MAPKAP1: variants seen among roughly 807,000 people sequenced by gnomAD.
MAPKAP1 encodes target of rapamycin complex 2 subunit MAPKAP1.
MAPKAP1 carries 20 observed loss-of-function variants against 65.7 expected under a neutral mutation model. The ratio of observed to expected loss-of-function variants is 0.30; its 90% confidence interval spans 0.21 to 0.44. The LOEUF (loss-of-function observed/expected upper bound fraction) is 0.44, where lower values mean the gene tolerates loss of function less well. Ranked by LOEUF, MAPKAP1 falls within the 20% of genes least tolerant of loss-of-function variation. The probability of loss-of-function intolerance (pLI) is 1.00; values close to 1 mark genes in which losing one functional copy is unlikely to be tolerated. For missense variants in MAPKAP1, 423 were observed against 648.0 expected (o/e 0.65, Z 3.77); for synonymous variants, 222 against 244.3 (o/e 0.91, Z 0.85).
chr9:125,507,968 G>A (rs1417514213), intron 7 of MAPKAP1, among the ~76,000 whole-genome samples: 1 of 152,050 alleles, frequency 6.6e-6, no homozygotes, highest in Non-Finnish European at 1.5e-5. Context: ...CCAGGAGTTC[G>A]AGACCAGCCT....
At chr9:125,442,150 A>AG (rs2132919695) in intron 11 of MAPKAP1, among the ~76,000 whole-genome samples, 1 of 151,568 alleles carries the variant, frequency 6.6e-6, no homozygotes, top group South Asian at 2.1e-4. Flanking sequence ...AAAAAAAAAA[A>AG]AAAAATCAGA....
At chr9:125,656,025 A>C (rs1487911909) in intron 4 of MAPKAP1, among the ~76,000 whole-genome samples, 1 of 152,228 alleles carries the variant, frequency 6.6e-6, no homozygotes, top group Admixed American at 6.5e-5. Flanking sequence ...TTAACAATAA[A>C]GTCTATGGTA....
At chr9:125,442,170 A>G (rs1205612529) in intron 11 of MAPKAP1, among the ~76,000 whole-genome samples, 1 of 150,722 alleles carries the variant, frequency 6.6e-6, no homozygotes, top group African/African-American at 2.5e-5. Flanking sequence ...AGGTGGGAGA[A>G]GTACTATCTC....
intron 5 of MAPKAP1, among the ~76,000 whole-genome samples, chr9:125,577,399 CCCCCGCCTGGCCAGCCT>C (rs1279876746): frequency 6.7e-6 from 1 of 148,320 alleles, no homozygotes; most frequent in African/African-American, 2.5e-5. Context: ...GGGGGTCAGC[CCCCCGCCTGGCCAGCCT>C]CCCCGTCCGG....
intron 11 of MAPKAP1, among the ~76,000 whole-genome samples, 162 bp downstream of exon 11, chr9:125,444,338 AC>A (rs1233914908): frequency 6.6e-6 from 1 of 152,154 alleles, no homozygotes; most frequent in Non-Finnish European, 1.5e-5. Flanking sequence ...ACAGGCACTC[AC>A]CCCTGGGTGG....
intron 4 of MAPKAP1, among the ~76,000 whole-genome samples, chr9:125,615,845 C>T (rs143033443): frequency 9.3e-5 from 14 of 150,220 alleles, no homozygotes; most frequent in Admixed American, 2.7e-4. Flanking sequence ...GTTGCAGAGG[C>T]GGATGTTGCA....
intron 4 of MAPKAP1, among the ~76,000 whole-genome samples, chr9:125,649,511 AGAGGAAGT>A (rs1215969267): frequency 6.6e-6 from 1 of 152,140 alleles, no homozygotes; most frequent in Non-Finnish European, 1.5e-5. Context: ...CTGTCATCTG[AGAGGAAGT>A]GACTGATGGG....
chr9:125,643,759 G>C (rs1472673084), intron 4 of MAPKAP1, among the ~76,000 whole-genome samples: 1 of 152,056 alleles, frequency 6.6e-6, no homozygotes, highest in Non-Finnish European at 1.5e-5. Flanking sequence ...CCAAGTCTAA[G>C]GACATATATA....
At chr9:125,640,526 G>A (rs967589278) in intron 4 of MAPKAP1, among the ~76,000 whole-genome samples, 3 of 151,588 alleles carry the variant, frequency 2.0e-5, no homozygotes, top group Non-Finnish European at 4.4e-5. Context: ...AATGTTTGAT[G>A]AATGAAAAAT....
intron 4 of MAPKAP1, among the ~76,000 whole-genome samples, chr9:125,638,901 T>A (rs1306309032): frequency 6.6e-6 from 1 of 152,194 alleles, no homozygotes; most frequent in African/African-American, 2.4e-5. Context: ...TGGAGCCACT[T>A]AAAAATCTGG....
At chr9:125,556,276 C>T (rs753561769) in intron 6 of MAPKAP1, among the ~76,000 whole-genome samples, 4 of 152,242 alleles carry the variant, frequency 2.6e-5, no homozygotes, top group Non-Finnish European at 5.9e-5. Context: ...TCCAAGCGAT[C>T]TGGCTCACAG....
At chr9:125,497,719 C>A (rs1414355812) in intron 8 of MAPKAP1, among the ~76,000 whole-genome samples, 2 of 152,234 alleles carry the variant, frequency 1.3e-5, no homozygotes, top group African/African-American at 4.8e-5. Context: ...GTGCTTTAAG[C>A]ACTGTGAATG....
At chr9:125,482,310 C>A (rs1304199529) in intron 9 of MAPKAP1, among the ~76,000 whole-genome samples, 2 of 152,124 alleles carry the variant, frequency 1.3e-5, no homozygotes, top group African/African-American at 4.8e-5. Flanking sequence ...GCCACTACAA[C>A]CATCTTACCT....
intron 10 of MAPKAP1, among the ~76,000 whole-genome samples, chr9:125,456,415 G>C (rs1853163632): frequency 2.0e-5 from 3 of 152,166 alleles, no homozygotes; most frequent in Non-Finnish European, 4.4e-5. Context: ...AATAGTTTCT[G>C]TTGTTCTGTC....
chr9:125,505,932 G>A (rs1829126339), intron 8 of MAPKAP1: 1 of 245,840 alleles, frequency 4.1e-6, no homozygotes, highest in African/African-American at 2.2e-5. Context: ...ATATGCAAAT[G>A]GTTAAAATTT....
Position 125,496,761 on chromosome 9 carries a change from T to C in MAPKAP1, c.1066+9549A>G, listed in dbSNP as rs139678555. On this transcript the variant is annotated intron_variant, in intron 8 of 11. Transcript: ENST00000265960. ...CGTTTCTATTTTGTAGTGGTGGTGG[T>C]AGTCCAACAAAGAAACCCCTACACT... Among the ~76,000 whole-genome samples the C allele has an allele frequency of 6.1e-3, 934 of 152,286 alleles. 16 individuals carry two copies. Among genetic ancestry groups the C allele is most frequent in the African/African-American group, 0.022 (899 of 41,548 alleles).
intron 4 of MAPKAP1, among the ~76,000 whole-genome samples, chr9:125,643,961 T>G (rs1366948318): frequency 6.6e-6 from 1 of 152,162 alleles, no homozygotes; most frequent in Non-Finnish European, 1.5e-5. Flanking sequence ...AATAAGCATG[T>G]TTTTGCAAGA....
At chr9:125,441,985 TG>T (rs1852503725) in intron 11 of MAPKAP1, among the ~76,000 whole-genome samples, 1 of 151,824 alleles carries the variant, frequency 6.6e-6, no homozygotes, top group African/African-American at 2.4e-5. Context: ...AAAAATTAGC[TG>T]GGCTTGGTGG....
At chr9:125,452,379 G>A (rs935274294) in intron 10 of MAPKAP1, among the ~76,000 whole-genome samples, 7 of 152,066 alleles carry the variant, frequency 4.6e-5, no homozygotes, top group African/African-American at 1.4e-4. Flanking sequence ...GATGACAGGC[G>A]TGAGCCACTA....
Sources: allele counts gnomAD v4.1 joint callset (sites outside exome capture counted in the v4.1 genomes callset), GRCh38; gene constraint gnomAD v4.1.1; transcripts MANE v1.5; gene names NCBI Gene and HGNC (gene_info 2026-07-23, HGNC 2026-07-21).